The following PTPRA variants were observed in gnomAD, a reference collection of about 807,000 sequenced individuals.
The protein encoded by PTPRA is receptor-type tyrosine-protein phosphatase alpha.
Under a neutral mutation model 104.8 loss-of-function variants are expected in PTPRA, and 25 were observed. The observed-to-expected ratio is 0.24, with a 90% CI of 0.17 to 0.33. The LOEUF (loss-of-function observed/expected upper bound fraction) is 0.33. Ranked by LOEUF, PTPRA falls within the 10% of genes least tolerant of loss-of-function variation. The pLI, the probability that PTPRA is intolerant of heterozygous loss-of-function variation, is 1.00. For missense variants in PTPRA, 765 were observed against 1,015.3 expected, an observed-to-expected ratio of 0.75 and a Z score of 3.35; for synonymous variants, 323 against 368.9, an observed-to-expected ratio of 0.88 and a Z score of 1.43.
chr20:2,970,950 G>A (rs2062160313), intron 5 of PTPRA, among the ~76,000 whole-genome samples: 1 of 152,006 alleles, frequency 6.6e-6, no homozygotes, highest in African/African-American at 2.4e-5. Context: ...GATTTGAAAT[G>A]CCACCTATCT....
At chr20:2,967,667 C>G (rs1306075121) in intron 5 of PTPRA, among the ~76,000 whole-genome samples, 1 of 152,096 alleles carries the variant, frequency 6.6e-6, no homozygotes, top group Non-Finnish European at 1.5e-5. Context: ...TTGAGACCAG[C>G]CTGGGGAACA....
chr20:2,878,743 G>GTA (rs2089889138), intron 1 of PTPRA, among the ~76,000 whole-genome samples: 1 of 152,152 alleles, frequency 6.6e-6, no homozygotes, highest in African/African-American at 2.4e-5. Context: ...GCCATTTCTT[G>GTA]ACAACCCATC....
intron 19 of PTPRA, 90 bp downstream of exon 19, chr20:3,027,287 G>A (rs1157131954): frequency 7.5e-7 from 1 of 1,330,406 alleles, no homozygotes; most frequent in East Asian, 2.3e-5. Flanking sequence ...CTGCTGGGGA[G>A]GATCATGTTT....
intron 2 of PTPRA, among the ~76,000 whole-genome samples, chr20:2,928,828 CTCT>C (rs1301655593): frequency 6.8e-6 from 1 of 146,968 alleles, no homozygotes; most frequent in Non-Finnish European, 1.5e-5. Context: ...CTTTTTTTCT[CTCT>C]TTTTTTTTTT....
intron 1 of PTPRA, among the ~76,000 whole-genome samples, chr20:2,916,779 A>G (rs2059917083): frequency 6.6e-6 from 1 of 152,162 alleles, no homozygotes; most frequent in Non-Finnish European, 1.5e-5. Flanking sequence ...AAACTATTCC[A>G]TTGATCTATA....
chr20:2,883,996 T>C (rs1160791853), intron 1 of PTPRA, among the ~76,000 whole-genome samples: 3 of 152,220 alleles, frequency 2.0e-5, no homozygotes, highest in African/African-American at 7.2e-5. Flanking sequence ...ATACAATATG[T>C]GACCTTTTGT....
intron 17 of PTPRA, among the ~76,000 whole-genome samples, chr20:3,025,529 T>C (rs2065092057): frequency 1.3e-5 from 2 of 150,914 alleles, no homozygotes; most frequent in Admixed American, 1.3e-4. Context: ...CTTAGAGAAG[T>C]TCTTCTCAAA....
Position 2,964,288 on chromosome 20 carries a change from G to C in PTPRA, c.11G>C (p.Trp4Ser). The C allele has an allele frequency of 6.2e-7, 1 of 1,610,496 alleles. No homozygotes were observed. The highest frequency in any genetic ancestry group is 2.2e-5 in the East Asian group (1 of 44,762). Residue 4 changes from tryptophan (W) to serine (S), a missense_variant, in exon 4 of 24, where the codon TGG becomes TCG. Coordinates refer to ENST00000399903, the MANE Select transcript of PTPRA (RefSeq NM_001385305.1). ...ATTTTCCAGATAAGCATGGATTCCT[G>C]GTTCATTCTTGTTCTGCTCGGCAGT... MDS[W>S]FILVLLGSGL...
chr20:3,018,435 C>A (rs528702072), intron 13 of PTPRA, among the ~76,000 whole-genome samples: 3 of 151,224 alleles, frequency 2.0e-5, no homozygotes, highest in African/African-American at 7.3e-5. Context: ...TCTTAACGAG[C>A]CTGCTGCCTT....
At chr20:2,904,975 A>G (rs2059371396) in intron 1 of PTPRA, among the ~76,000 whole-genome samples, 1 of 152,208 alleles carries the variant, frequency 6.6e-6, no homozygotes. Context: ...CAGGCCACAG[A>G]CCATCCTGTT....
intron 17 of PTPRA, among the ~76,000 whole-genome samples, chr20:3,025,341 T>C (rs1054363792): frequency 5.3e-5 from 8 of 150,900 alleles, no homozygotes; most frequent in Non-Finnish European, 8.8e-5. Context: ...TAGTCCCAGC[T>C]ACTCAGGAGG....
the PTPRA span, chr20:2,865,568 C>A: frequency 7.2e-7 from 1 of 1,395,176 alleles, no homozygotes; most frequent in Non-Finnish European, 9.9e-7. This position sits in a 1 kb window ranked among gnomAD's most constrained non-coding sequence, Gnocchi z 5.2. Context: ...GGCAGGGAGA[C>A]AGATAGGATG....
At chr20:2,939,174 C>G (rs781700568) in intron 2 of PTPRA, among the ~76,000 whole-genome samples, 4 of 152,114 alleles carry the variant, frequency 2.6e-5, no homozygotes, top group Non-Finnish European at 4.4e-5. Context: ...AGTTCTTATG[C>G]CTTTTGCTGT....
chr20:3,002,971 C>T (rs534937858), intron 9 of PTPRA, among the ~76,000 whole-genome samples: 1 of 152,148 alleles, frequency 6.6e-6, no homozygotes, highest in Non-Finnish European at 1.5e-5. Context: ...CCTTCTTCCA[C>T]CTCTGGGTTA....
chr20:3,025,553 C>T, intron 17 of PTPRA, among the ~76,000 whole-genome samples: 1 of 151,496 alleles, frequency 6.6e-6, no homozygotes, highest in East Asian at 2.0e-4. Flanking sequence ...AGCATGTGCA[C>T]AGATTTCTTT....
intron 9 of PTPRA, among the ~76,000 whole-genome samples, chr20:2,989,889 C>T (rs753306189): frequency 3.3e-5 from 5 of 151,866 alleles, no homozygotes; most frequent in African/African-American, 4.8e-5. Flanking sequence ...TGGTGGTGGG[C>T]ACCTATAGTT....
intron 1 of PTPRA, among the ~76,000 whole-genome samples, chr20:2,897,178 A>G (rs1461179697): frequency 6.6e-6 from 1 of 152,164 alleles, no homozygotes; most frequent in Admixed American, 6.5e-5. Flanking sequence ...GTTTAGAGGT[A>G]TTTCATACTT....
intron 1 of PTPRA, among the ~76,000 whole-genome samples, chr20:2,908,820 A>G (rs769334494): frequency 1.8e-4 from 28 of 152,220 alleles, no homozygotes; most frequent in South Asian, 4.1e-4. Flanking sequence ...TGCACTAATA[A>G]CTAATGATAG....
chr20:2,928,187 G>A (rs192364096), intron 2 of PTPRA, among the ~76,000 whole-genome samples: 326 of 152,244 alleles, frequency 2.1e-3, no homozygotes, highest in Admixed American at 4.3e-3. Flanking sequence ...CCAGGCTGGA[G>A]TGCAGTGGCG....
Sources: allele counts gnomAD v4.1 joint callset (sites outside exome capture counted in the v4.1 genomes callset), GRCh38; gene constraint gnomAD v4.1.1; non-coding constraint Gnocchi (gnomAD v3.1); transcripts MANE v1.5; gene names NCBI Gene and HGNC (gene_info 2026-07-23, HGNC 2026-07-21).